Variants in DCHS2 observed in about 807,000 individuals in gnomAD.
DCHS2 encodes the protein protocadherin-23.
Under a neutral mutation model 182.4 loss-of-function variants are expected in DCHS2, and 142 were observed. The observed-to-expected ratio is 0.78, with a 90% confidence interval of 0.68 to 0.89. DCHS2 has a LOEUF of 0.89. DCHS2 is among the 40% of genes least tolerant of loss of function. The pLI is 0.00. For synonymous variants in DCHS2, 1,740 were observed against 1,663.3 expected (o/e 1.05, Z -1.12); for missense variants, 4,319 against 4,198.6 (o/e 1.03, Z -0.79).
intron 1 of DCHS2, among the ~76,000 whole-genome samples, chr4:154,479,175 TAAATTAA>T (rs1735814425): frequency 6.6e-6 from 1 of 152,058 alleles, no homozygotes; most frequent in Admixed American, 6.5e-5. Context: ...AAAAATATAA[TAAATTAA>T]AAATGTGTTA....
chr4:154,365,651 CT>C (rs138458589), intron 3 of DCHS2, among the ~76,000 whole-genome samples: 11,985 of 147,338 alleles, frequency 0.081, 859 homozygotes, highest in African/African-American at 0.19. Context: ...GATAACAGTA[CT>C]TTTTTTTTTC....
intron 1 of DCHS2, among the ~76,000 whole-genome samples, chr4:154,462,000 G>A (rs1735027439): frequency 6.6e-6 from 1 of 152,168 alleles, no homozygotes; most frequent in African/African-American, 2.4e-5. Context: ...GGGAGGTCAT[G>A]CTTTTAAAAT....
chr4:154,289,442 TAA>T (rs1162776498), intron 13 of DCHS2, among the ~76,000 whole-genome samples: 2 of 151,976 alleles, frequency 1.3e-5, no homozygotes, highest in Non-Finnish European at 1.5e-5. Context: ...AAAGCTGTAA[TAA>T]AAAGTCTCCC....
At chr4:154,285,426 T>C (rs1734350054) in intron 13 of DCHS2, among the ~76,000 whole-genome samples, 1 of 152,146 alleles carries the variant, frequency 6.6e-6, no homozygotes. Flanking sequence ...CCAAGTGGGC[T>C]CTTAGGATCA....
chr4:154,259,479 C>A, intron 15 of DCHS2, 66 bp downstream of exon 15: 1 of 1,567,486 alleles, frequency 6.4e-7, no homozygotes, highest in South Asian at 1.2e-5. Context: ...AATTCTCTCT[C>A]TCTCTCTCAC....
Position 154,352,776 on chromosome 4 carries a change from C to T in DCHS2, c.2476+13434G>A, listed in dbSNP as rs1452646752. Among the ~76,000 whole-genome samples the T allele has an allele frequency of 1.3e-5, 2 of 152,292 alleles. 1 individual carries two copies. Among genetic ancestry groups the T allele is most frequent in the South Asian group, 4.1e-4 (2 of 4,826 alleles). On this transcript the variant is annotated intron_variant, in intron 3 of 19. Coordinates refer to ENST00000357232, the MANE Select transcript of DCHS2 (RefSeq NM_001358235.2). ...AGAAACCTAGAGAATAAGCAGCATACTGAATTTGGCTTTGGCTCTCAGGAC... is the reference window on the plus strand; with the variant it reads ...AGAAACCTAGAGAATAAGCAGCATATTGAATTTGGCTTTGGCTCTCAGGAC...
In DCHS2 at chr4:154,434,698, G is replaced by A. The variant is rs549516029; in HGVS notation, c.2052+54606C>T. Among the ~76,000 whole-genome samples the A allele has an allele frequency of 5.3e-5, 8 of 152,168 alleles. No individual in the cohort carries two copies. The East Asian group carries it at 1.5e-3, about 29-fold the overall frequency. Reference sequence around the variant, plus strand: ...CCAATAAAAATTGTAAGGTTAAAAAGTGAGTTAACATTATCAGTGATAAGC... The same window carrying A: ...CCAATAAAAATTGTAAGGTTAAAAAATGAGTTAACATTATCAGTGATAAGC... On this transcript the variant is annotated intron_variant, in intron 1 of 19. Coordinates refer to ENST00000357232, the MANE Select transcript of DCHS2 (RefSeq NM_001358235.2).
chr4:154,318,846 AT>A (rs751675323), intron 9 of DCHS2, among the ~76,000 whole-genome samples: 4 of 152,164 alleles, frequency 2.6e-5, no homozygotes, highest in African/African-American at 7.2e-5. Flanking sequence ...ATAGAAAAAA[AT>A]AATATCGCAA....
chr4:154,466,320 G>A (rs566368329), intron 1 of DCHS2, among the ~76,000 whole-genome samples: 4 of 152,166 alleles, frequency 2.6e-5, no homozygotes, highest in Non-Finnish European at 5.9e-5. Context: ...ATTACTCATA[G>A]CAAAGGTGGT....
intron 14 of DCHS2, chr4:154,261,615 TCC>T (rs1195363037): frequency 2.2e-4 from 33 of 152,320 alleles, no homozygotes; most frequent in African/African-American, 7.9e-4. Flanking sequence ...GGGAGGCATA[TCC>T]TGTTCAAATA....
At chr4:154,290,071 A>T (rs1351447051) in intron 13 of DCHS2, among the ~76,000 whole-genome samples, 1 of 152,178 alleles carries the variant, frequency 6.6e-6, no homozygotes, top group Non-Finnish European at 1.5e-5. Context: ...AAACTATTAG[A>T]ACTGATAAAC....
At chr4:154,428,037 C>A (rs1487013002) in intron 1 of DCHS2, among the ~76,000 whole-genome samples, 2 of 152,156 alleles carry the variant, frequency 1.3e-5, no homozygotes, top group Non-Finnish European at 2.9e-5. Context: ...GTTCTTTGAA[C>A]TCAAACTCAG....
intron 1 of DCHS2, among the ~76,000 whole-genome samples, chr4:154,394,897 T>C (rs1295408853): frequency 1.3e-5 from 2 of 152,234 alleles, no homozygotes; most frequent in Non-Finnish European, 2.9e-5. Flanking sequence ...CAAGTCAAAT[T>C]AGACCACTAT....
chr4:154,304,536 G>A, intron 12 of DCHS2, 133 bp downstream of exon 12: 1 of 699,572 alleles, frequency 1.4e-6, no homozygotes. Flanking sequence ...GGGAGGCTGA[G>A]GCACAAGAAT....
intron 13 of DCHS2, among the ~76,000 whole-genome samples, chr4:154,273,250 C>T (rs1279068594): frequency 6.6e-6 from 1 of 152,034 alleles, no homozygotes; most frequent in Non-Finnish European, 1.5e-5. Context: ...TATATATGCA[C>T]ACACACCATG....
chr4:154,298,859 T>C (rs1735083556), intron 12 of DCHS2, 151 bp from the exon 13 acceptor site: 1 of 1,187,452 alleles, frequency 8.4e-7, no homozygotes, highest in Non-Finnish European at 1.1e-6. Context: ...ATTGGGGATA[T>C]AACAGTAAGC....
intron 13 of DCHS2, among the ~76,000 whole-genome samples, chr4:154,284,744 C>G (rs535356929): frequency 1.3e-5 from 2 of 152,140 alleles, no homozygotes; most frequent in Non-Finnish European, 2.9e-5. Flanking sequence ...GCAGTTGGAA[C>G]CTGAATTCCA....
chr4:154,393,212 G>A (rs1447998436), intron 1 of DCHS2, among the ~76,000 whole-genome samples: 1 of 152,142 alleles, frequency 6.6e-6, no homozygotes, highest in East Asian at 1.9e-4. Context: ...CAGCCCAGAA[G>A]AGACCAACAG....
intron 12 of DCHS2, 113 bp downstream of exon 12, chr4:154,304,556 C>A: frequency 2.3e-6 from 2 of 876,558 alleles, no homozygotes; most frequent in Non-Finnish European, 3.4e-6. Context: ...TTGCTTGAAC[C>A]TGGGAGGTGA....
Sources: gnomAD v4.1 joint callset for allele counts (sites outside exome capture counted in the v4.1 genomes callset) on GRCh38, gnomAD v4.1.1 for gene constraint, MANE v1.5 for transcripts, NCBI Gene and HGNC (gene_info 2026-07-23, HGNC 2026-07-21) for gene names.